Variants in PRRG1 observed in about 807,000 individuals in gnomAD.
PRRG1 encodes proline rich and Gla domain 1.
In PRRG1, 5 loss-of-function variants were observed where a neutral mutation model predicts 11.8. That is an observed-to-expected ratio of 0.42 (90% confidence interval 0.22 to 0.89). The LOEUF (loss-of-function observed/expected upper bound fraction) is 0.89. Among genes scored for constraint, PRRG1 ranks in the 40% least tolerant of loss-of-function variants. The probability of loss-of-function intolerance (pLI) is 0.28; values close to 1 mark genes in which losing one functional copy is unlikely to be tolerated. For synonymous variants in PRRG1, 66 were observed against 60.4 expected, an observed-to-expected ratio of 1.09 and a Z score of -0.43; for missense variants, 155 against 166.1, an observed-to-expected ratio of 0.93 and a Z score of 0.37.
intron 1 of PRRG1, among the ~76,000 whole-genome samples, chrX:37,367,285 CTG>C (rs1556369655): frequency 1.8e-5 from 2 of 112,060 alleles, no homozygotes; most frequent in African/African-American, 6.5e-5. Context: ...ACTATTTTAA[CTG>C]TGTTTGTAGA....
At chrX:37,402,075 G>A (rs1440482674) in intron 1 of PRRG1, among the ~76,000 whole-genome samples, 2 of 111,494 alleles carry the variant, frequency 1.8e-5, no homozygotes, top group African/African-American at 6.5e-5. Context: ...GTAATTTATA[G>A]ATTCAATGCC....
At chrX:37,359,037 C>T (rs1177586292) in intron 1 of PRRG1, among the ~76,000 whole-genome samples, 3 of 111,943 alleles carry the variant, frequency 2.7e-5, no homozygotes, top group African/African-American at 9.7e-5. Flanking sequence ...ACAATCAATT[C>T]TTTGGAATTT....
intron 3 of PRRG1, among the ~76,000 whole-genome samples, chrX:37,448,400 G>A (rs1920999034): frequency 9.0e-6 from 1 of 111,521 alleles, no homozygotes; most frequent in African/African-American, 3.3e-5. Context: ...GGCTGAAGTG[G>A]AGTTACACCC....
At chrX:37,368,935 C>T (rs1213496757) in intron 1 of PRRG1, among the ~76,000 whole-genome samples, 1 of 111,377 alleles carries the variant, frequency 9.0e-6, no homozygotes, top group Non-Finnish European at 1.9e-5. Context: ...ATATGGAAAT[C>T]TTACAAATTT....
chrX:37,444,850 G>A (rs1339378867), intron 3 of PRRG1, among the ~76,000 whole-genome samples: 2 of 111,365 alleles, frequency 1.8e-5, no homozygotes, highest in African/African-American at 6.5e-5. Context: ...TGTTGTGATA[G>A]CTTTCTGTGT....
At chrX:37,365,714 C>T (rs781913809) in intron 1 of PRRG1, among the ~76,000 whole-genome samples, 5 of 111,868 alleles carry the variant, frequency 4.5e-5, no homozygotes, top group Non-Finnish European at 5.6e-5. Context: ...GTAGATATTT[C>T]TCATTGTAGT....
intron 2 of PRRG1, among the ~76,000 whole-genome samples, chrX:37,417,864 G>A (rs1932544185): frequency 8.9e-6 from 1 of 111,904 alleles, no homozygotes; most frequent in Non-Finnish European, 1.9e-5. Context: ...GGATTGGGTG[G>A]AATGGGTGCT....
chrX:37,379,372 T>A (rs1432496486), intron 1 of PRRG1, among the ~76,000 whole-genome samples: 1 of 110,461 alleles, frequency 9.1e-6, no homozygotes, highest in African/African-American at 3.3e-5. Context: ...CAAGTAACAG[T>A]TAGCAATAAT....
intron 1 of PRRG1, among the ~76,000 whole-genome samples, chrX:37,391,883 G>T (rs1260215067): frequency 9.0e-6 from 1 of 111,476 alleles, no homozygotes; most frequent in Non-Finnish European, 1.9e-5. Context: ...AAGTCCCACT[G>T]TCATATAAAA....
intron 3 of PRRG1, among the ~76,000 whole-genome samples, chrX:37,429,670 C>T (rs1556389517): frequency 1.8e-5 from 2 of 111,810 alleles, no homozygotes; most frequent in African/African-American, 6.5e-5. Flanking sequence ...CCAAACTGTC[C>T]CAACCTCTGC....
intron 2 of PRRG1, among the ~76,000 whole-genome samples, chrX:37,419,337 C>G (rs1229705197): frequency 1.8e-5 from 2 of 111,477 alleles, no homozygotes; most frequent in Non-Finnish European, 3.8e-5. Context: ...TTAATAAAAG[C>G]AAGCATATAC....
intron 1 of PRRG1, among the ~76,000 whole-genome samples, chrX:37,386,383 AT>A (rs782193070): frequency 1.6e-4 from 18 of 111,228 alleles, no homozygotes; most frequent in African/African-American, 4.2e-4. Flanking sequence ...ACAACTGGAG[AT>A]TTTTTTTATG....
chrX:37,398,263 G>T (rs1931795481), intron 1 of PRRG1, among the ~76,000 whole-genome samples: 1 of 110,724 alleles, frequency 9.0e-6, no homozygotes, highest in Non-Finnish European at 1.9e-5. Context: ...CACACGGCCG[G>T]GTACTCCTCT....
At chrX:37,364,611 A>G (rs1282321203) in intron 1 of PRRG1, among the ~76,000 whole-genome samples, 5 of 111,158 alleles carry the variant, frequency 4.5e-5, no homozygotes, top group Admixed American at 9.6e-5. Context: ...CCCATTCTCC[A>G]TTTCTTTCTT....
At chrX:37,381,742 A>G (rs1038866716) in intron 1 of PRRG1, among the ~76,000 whole-genome samples, 8 of 111,573 alleles carry the variant, frequency 7.2e-5, no homozygotes, top group Non-Finnish European at 1.5e-4. Flanking sequence ...AGGCCTACCT[A>G]GTGTGAATAA....
chrX:37,432,162 A>C (rs1414896512), intron 3 of PRRG1, among the ~76,000 whole-genome samples: 2 of 106,589 alleles, frequency 1.9e-5, no homozygotes, highest in African/African-American at 7.0e-5. Context: ...ATCTCAGCTC[A>C]CTGCAAGCTC....
At chrX:37,358,636 G>C (rs1930321046) in intron 1 of PRRG1, among the ~76,000 whole-genome samples, 1 of 111,213 alleles carries the variant, frequency 9.0e-6, no homozygotes, top group African/African-American at 3.3e-5. Context: ...CTTGAAATTA[G>C]GTAGTGTCAG....
intron 2 of PRRG1, among the ~76,000 whole-genome samples, chrX:37,407,966 C>G (rs782385026): frequency 1.8e-5 from 2 of 112,149 alleles, no homozygotes; most frequent in Non-Finnish European, 1.9e-5. Context: ...CAGAGCTGCC[C>G]TTGGAAATTG....
intron 1 of PRRG1, among the ~76,000 whole-genome samples, chrX:37,379,674 TATAG>T (rs1199879140): frequency 9.0e-6 from 1 of 111,710 alleles, no homozygotes; most frequent in Admixed American, 9.5e-5. Flanking sequence ...GGTTTTGTGT[TATAG>T]ATAAAGTAAA....
Sources: allele counts gnomAD v4.1 joint callset (sites outside exome capture counted in the v4.1 genomes callset), GRCh38; gene constraint gnomAD v4.1.1; transcripts MANE v1.5; gene names NCBI Gene and HGNC (gene_info 2026-07-23, HGNC 2026-07-21).